Variants in AUTS2 observed in about 807,000 individuals in gnomAD.
AUTS2 encodes the protein autism susceptibility gene 2 protein.
A neutral mutation model predicts 112.4 loss-of-function variants in AUTS2; 17 were observed. That is an observed-to-expected ratio of 0.15 (90% CI 0.10 to 0.23). The LOEUF is 0.23. AUTS2 is among the 10% of genes least tolerant of loss of function. AUTS2 has a pLI of 1.00. For missense variants in AUTS2, 1,510 were observed against 1,701.6 expected, an observed-to-expected ratio of 0.89 and a Z score of 1.98; for synonymous variants, 751 against 702.7, an observed-to-expected ratio of 1.07 and a Z score of -1.09.
At chr7:70,100,150 C>G (rs879296337) in intron 2 of AUTS2, among the ~76,000 whole-genome samples, 7 of 152,164 alleles carry the variant, frequency 4.6e-5, no homozygotes, top group Non-Finnish European at 7.3e-5. Context: ...AATGCTGTAT[C>G]TCTTATTCAA....
intron 4 of AUTS2, among the ~76,000 whole-genome samples, chr7:70,360,915 AG>A (rs1792231080): frequency 6.6e-6 from 1 of 152,168 alleles, no homozygotes. Flanking sequence ...CACACACAAA[AG>A]TCCTCTCTCT....
intron 4 of AUTS2, among the ~76,000 whole-genome samples, chr7:70,160,647 CTT>C (rs1192531900): frequency 6.6e-6 from 1 of 152,188 alleles, no homozygotes; most frequent in Non-Finnish European, 1.5e-5. Context: ...TTATTGTTGT[CTT>C]TTCTACTCAT....
At position 70,765,013 on chromosome 7, in the gene AUTS2, G is replaced by T; in HGVS notation, c.1468+8G>T. 6.2e-7 allele frequency: 1 copy of T among 1,613,586 alleles called. No homozygotes were observed. Among genetic ancestry groups the T allele is most frequent in the South Asian group, 1.1e-5 (1 of 91,028 alleles). On this transcript the variant is annotated splice_region_variant and intron_variant, in intron 8 of 18. Transcript: ENST00000342771. ...CCGGGAGCACTTACTCAGGTAGGAC[G>T]GAGGGGCCTGTGCTCGTGACCCCGA...
intron 5 of AUTS2, among the ~76,000 whole-genome samples, chr7:70,668,321 G>T (rs77421357): frequency 0.037 from 5,704 of 152,260 alleles, 203 homozygotes; most frequent in Middle Eastern, 0.095. Flanking sequence ...TGCCAGTGCT[G>T]CTGGCCCCAG....
chr7:70,704,537 C>T (rs1809635514), intron 6 of AUTS2, among the ~76,000 whole-genome samples: 1 of 152,328 alleles, frequency 6.6e-6, no homozygotes, highest in Middle Eastern at 3.4e-3. Context: ...GTTCATCAGC[C>T]TCTCTTCAAT....
At chr7:70,439,487 C>T (rs1056828547) in intron 5 of AUTS2, among the ~76,000 whole-genome samples, 2 of 145,546 alleles carry the variant, frequency 1.4e-5, no homozygotes, top group African/African-American at 5.2e-5. Context: ...TGCAGTGAGC[C>T]GAGATCGCAC....
At position 69,899,431 on chromosome 7, in the gene AUTS2, G is replaced by A. The variant is rs1285866758; in HGVS notation, c.455G>A (p.Arg152Gln). The A allele has an allele frequency of 3.1e-6, 5 of 1,613,954 alleles. No individual in the cohort carries two copies. Among genetic ancestry groups the A allele is most frequent in the South Asian group, 2.2e-5 (2 of 91,068 alleles). Residue 152 changes from arginine to glutamine, a missense_variant, in exon 2 of 19, where the codon CGA becomes CAA. Arg to Gln is a conservative substitution (Grantham distance 43). This residue lies in a region of AUTS2 where 535 missense variants were observed against 594.3 expected (regional missense o/e 0.90). Transcript: ENST00000342771. ...CACCCACACCACTACAGCTCAGATC[G>A]AGAAAATGACCGCAATCTCTGCCAG... is the stretch of plus-strand genomic sequence containing the variant. ...LSHPHHYSSD[R>Q]ENDRNLCQHL... is the part of the protein sequence containing the mutation.
intron 5 of AUTS2, among the ~76,000 whole-genome samples, chr7:70,567,569 T>C (rs916844528): frequency 6.6e-6 from 1 of 152,224 alleles, no homozygotes; most frequent in Non-Finnish European, 1.5e-5. Context: ...TTCCAAGAGA[T>C]AGTGACAGAA....
At chr7:69,766,821 T>C (rs1349267658) in intron 1 of AUTS2, among the ~76,000 whole-genome samples, 3 of 152,264 alleles carry the variant, frequency 2.0e-5, no homozygotes, top group Non-Finnish European at 4.4e-5. Context: ...GGTGCCATGC[T>C]TCTCACTTTA....
At chr7:70,460,772 T>A (rs1221069302) in intron 5 of AUTS2, among the ~76,000 whole-genome samples, 1 of 152,202 alleles carries the variant, frequency 6.6e-6, no homozygotes, top group East Asian at 1.9e-4. Flanking sequence ...TTTCCTGGTC[T>A]GTAAGGTATC....
intron 4 of AUTS2, among the ~76,000 whole-genome samples, chr7:70,181,740 C>T (rs558583852): frequency 2.3e-4 from 35 of 151,500 alleles, no homozygotes; most frequent in South Asian, 2.1e-4. Flanking sequence ...CCGCCCCCCT[C>T]GGCCTCCCAA....
chr7:70,740,575 T>C (rs1563164304), intron 6 of AUTS2, among the ~76,000 whole-genome samples: 1 of 152,200 alleles, frequency 6.6e-6, no homozygotes, highest in African/African-American at 2.4e-5. Flanking sequence ...TACATTTTCA[T>C]TGAATGAATG....
At chr7:70,297,656 G>A (rs903070311) in intron 4 of AUTS2, among the ~76,000 whole-genome samples, 4 of 151,668 alleles carry the variant, frequency 2.6e-5, no homozygotes, top group African/African-American at 4.8e-5. Flanking sequence ...GGATAGTCTC[G>A]ATCTCCTGAC....
At chr7:69,863,238 T>A (rs1372211895) in intron 1 of AUTS2, among the ~76,000 whole-genome samples, 3 of 152,214 alleles carry the variant, frequency 2.0e-5, no homozygotes, top group Non-Finnish European at 4.4e-5. Context: ...TGTACAGACT[T>A]TTGTCCTTCT....
intron 4 of AUTS2, among the ~76,000 whole-genome samples, chr7:70,411,538 C>T (rs1217985480): frequency 6.6e-6 from 1 of 151,986 alleles, no homozygotes; most frequent in East Asian, 1.9e-4. Context: ...TACTGTGATA[C>T]TGGGATGTTG....
At chr7:69,712,275 G>A (rs1233133552) in intron 1 of AUTS2, among the ~76,000 whole-genome samples, 1 of 152,154 alleles carries the variant, frequency 6.6e-6, no homozygotes, top group Non-Finnish European at 1.5e-5. Flanking sequence ...TATACAATGT[G>A]TTAAGTTTTA....
intron 2 of AUTS2, among the ~76,000 whole-genome samples, chr7:69,962,392 T>C (rs1374330220): frequency 6.6e-6 from 1 of 152,164 alleles, no homozygotes; most frequent in Non-Finnish European, 1.5e-5. Context: ...TCAGATGATA[T>C]GCACTTCTCC....
intron 1 of AUTS2, among the ~76,000 whole-genome samples, chr7:69,727,382 G>A (rs2129224793): frequency 1.3e-5 from 2 of 152,124 alleles, no homozygotes; most frequent in South Asian, 4.2e-4. Context: ...ACGAGGTCAG[G>A]AGTTCAAGAC....
chr7:70,279,333 T>G (rs569047426), intron 4 of AUTS2, among the ~76,000 whole-genome samples: 1 of 152,306 alleles, frequency 6.6e-6, no homozygotes, highest in South Asian at 2.1e-4. Context: ...GGCCAAATGA[T>G]TTTGGAAAGT....
Sources: allele counts gnomAD v4.1 joint callset (sites outside exome capture counted in the v4.1 genomes callset), GRCh38; gene constraint gnomAD v4.1.1; regional missense constraint gnomAD v4.1.1; transcripts MANE v1.5; gene names NCBI Gene and HGNC (gene_info 2026-07-23, HGNC 2026-07-21).